Variants in PCDH15 observed in about 807,000 individuals in gnomAD.
PCDH15 encodes protocadherin-15.
In PCDH15, 129 loss-of-function variants were observed where a neutral mutation model predicts 178.5. That is an observed-to-expected ratio of 0.72 (90% confidence interval 0.63 to 0.84). PCDH15 has a LOEUF of 0.84. Among genes scored for constraint, PCDH15 ranks in the 40% least tolerant of loss-of-function variants. The pLI, the probability that PCDH15 is intolerant of heterozygous loss-of-function variation, is 0.00. For missense variants in PCDH15, 2,230 were observed against 2,099.9 expected (o/e 1.06, Z -1.21); for synonymous variants, 800 against 732.0 (o/e 1.09, Z -1.50).
At chr10:54,384,437 A>G (rs906503656) in intron 3 of PCDH15, among the ~76,000 whole-genome samples, 25 of 152,098 alleles carry the variant, frequency 1.6e-4, no homozygotes, top group African/African-American at 6.0e-4. Context: ...TAAAATATAA[A>G]CTTTTTGACT....
chr10:55,312,178 G>T (rs144369238), intron 1 of PCDH15, among the ~76,000 whole-genome samples: 1 of 151,974 alleles, frequency 6.6e-6, no homozygotes, highest in African/African-American at 2.4e-5. Context: ...AAACCCATTC[G>T]TGTCATATCA....
chr10:54,088,235 T>C (rs2136032475), intron 16 of PCDH15, among the ~76,000 whole-genome samples: 1 of 152,320 alleles, frequency 6.6e-6, no homozygotes, highest in Non-Finnish European at 1.5e-5. Context: ...TCTTTATCAC[T>C]ACAGACACAA....
intron 8 of PCDH15, among the ~76,000 whole-genome samples, chr10:54,303,678 T>C (rs114044078): frequency 0.012 from 1,871 of 152,192 alleles, 35 homozygotes; most frequent in African/African-American, 0.04. Context: ...AAATTGCTTC[T>C]CAACACAGGA....
chr10:54,176,511 T>TA (rs942698629), intron 13 of PCDH15, among the ~76,000 whole-genome samples: 1 of 152,128 alleles, frequency 6.6e-6, no homozygotes, highest in African/African-American at 2.4e-5. Flanking sequence ...TATTCCATGC[T>TA]AAAAACAAGT....
intron 2 of PCDH15, among the ~76,000 whole-genome samples, chr10:55,032,155 G>C (rs1031117020): frequency 6.6e-6 from 1 of 152,110 alleles, no homozygotes; most frequent in African/African-American, 2.4e-5. Flanking sequence ...CTAGAATACT[G>C]GTTGAAATAT....
chr10:55,147,970 T>C (rs186859700), intron 2 of PCDH15, among the ~76,000 whole-genome samples: 1 of 151,860 alleles, frequency 6.6e-6, no homozygotes. Context: ...TTCTAAAATA[T>C]AGTTTCCCAA....
At chr10:54,104,377 C>G (rs1189827539) in intron 15 of PCDH15, among the ~76,000 whole-genome samples, 2 of 152,068 alleles carry the variant, frequency 1.3e-5, no homozygotes, top group Admixed American at 6.6e-5. Context: ...GGACACCTGG[C>G]GAGGCTGTGA....
chr10:54,612,699 A>C (rs2093003047), intron 2 of PCDH15, among the ~76,000 whole-genome samples: 1 of 151,758 alleles, frequency 6.6e-6, no homozygotes, highest in Non-Finnish European at 1.5e-5. Context: ...TGGTTGCAGA[A>C]ATATAATTTA....
chr10:54,572,166 T>C (rs2089928186), intron 2 of PCDH15, among the ~76,000 whole-genome samples: 1 of 152,202 alleles, frequency 6.6e-6, no homozygotes, highest in South Asian at 2.1e-4. Flanking sequence ...ATGACATATA[T>C]GGTATAATTA....
rs117237133 is a variant in PCDH15 at position 55,155,988 on chromosome 10, G to C, written c.-80+10588C>G. Among the ~76,000 whole-genome samples the C allele has an allele frequency of 2.8e-3, 432 of 152,226 alleles. 19 individuals are homozygous for C. In the East Asian group the frequency reaches 0.068, roughly 24 times the overall value. ...GCTGCAGCTGAATCATCCTAGAGGA[G>C]CTGAAAGAAGACCTGCAAATGGATG... On this transcript the variant is annotated intron_variant, in intron 2 of 5. Coordinates refer to the PCDH15 transcript ENST00000458638.
At chr10:54,489,072 T>C (rs932460825) in intron 3 of PCDH15, among the ~76,000 whole-genome samples, 1 of 152,024 alleles carries the variant, frequency 6.6e-6, no homozygotes. Flanking sequence ...CTCACCAGAG[T>C]TGTTTCCTGT....
chr10:54,553,964 T>C (rs542531581), intron 2 of PCDH15, among the ~76,000 whole-genome samples: 1 of 152,162 alleles, frequency 6.6e-6, no homozygotes, highest in Non-Finnish European at 1.5e-5. Flanking sequence ...ACATTATAAA[T>C]CTAATTTCCA....
intron 7 of PCDH15, among the ~76,000 whole-genome samples, chr10:54,321,261 T>C (rs2133745041): frequency 6.7e-6 from 1 of 150,118 alleles, no homozygotes; most frequent in African/African-American, 2.4e-5. Context: ...AATCCTGGGC[T>C]CAAGTAATCC....
chr10:54,236,582 A>G (rs2054648291), intron 9 of PCDH15, among the ~76,000 whole-genome samples: 1 of 152,266 alleles, frequency 6.6e-6, no homozygotes, highest in Non-Finnish European at 1.5e-5. Flanking sequence ...ATTTCCTAAT[A>G]TTTTGAATTG....
intron 8 of PCDH15, among the ~76,000 whole-genome samples, chr10:54,249,712 A>T (rs950733805): frequency 6.6e-6 from 1 of 151,924 alleles, no homozygotes; most frequent in Non-Finnish European, 1.5e-5. Context: ...ACTTTAAACC[A>T]TCTGAAAATT....
intron 3 of PCDH15, among the ~76,000 whole-genome samples, chr10:54,515,369 G>A (rs1027764976): frequency 9.9e-5 from 15 of 152,158 alleles, no homozygotes; most frequent in African/African-American, 2.9e-4. Flanking sequence ...ATGGAGTCTC[G>A]CTGATTGCTA....
At chr10:53,840,247 T>G in intron 29 of PCDH15, 73 bp downstream of exon 29, 1 of 1,515,676 alleles carries the variant, frequency 6.6e-7, no homozygotes, top group Non-Finnish European at 9.2e-7. Context: ...TAAGTACTTA[T>G]AGCCTCAAGT....
intron 2 of PCDH15, among the ~76,000 whole-genome samples, chr10:55,463,325 G>A (rs1222969556): frequency 1.3e-5 from 2 of 152,006 alleles, no homozygotes; most frequent in Non-Finnish European, 2.9e-5. Flanking sequence ...ATTCCATGAT[G>A]ATATGTATTC....
At chr10:55,173,022 G>C (rs1479564057) in intron 1 of PCDH15, among the ~76,000 whole-genome samples, 2 of 151,846 alleles carry the variant, frequency 1.3e-5, no homozygotes, top group South Asian at 4.1e-4. Flanking sequence ...TGCTTATTTT[G>C]ATTCAGATTT....
Sources: gnomAD v4.1 joint callset for allele counts (sites outside exome capture counted in the v4.1 genomes callset) on GRCh38, gnomAD v4.1.1 for gene constraint, MANE v1.5 for transcripts, NCBI Gene and HGNC (gene_info 2026-07-23, HGNC 2026-07-21) for gene names.